Variants in RASAL2 observed in about 807,000 individuals in gnomAD.
The protein encoded by RASAL2 is ras GTPase-activating protein nGAP.
In RASAL2, 58 loss-of-function variants were observed where a neutral mutation model predicts 128.9. That is an observed-to-expected ratio of 0.45 (90% confidence interval 0.36 to 0.56). RASAL2 has a LOEUF of 0.56. RASAL2 is among the 20% of genes least tolerant of loss of function. RASAL2 has a pLI of 0.00. For synonymous variants in RASAL2, 561 were observed against 580.8 expected (o/e 0.97, Z 0.49); for missense variants, 1,360 against 1,601.6 (o/e 0.85, Z 2.57).
intron 1 of RASAL2, among the ~76,000 whole-genome samples, chr1:178,146,655 A>G (rs1298664823): frequency 6.6e-6 from 1 of 152,212 alleles, no homozygotes; most frequent in Non-Finnish European, 1.5e-5. Context: ...TTGGCTGAGT[A>G]TGTGTGCCTG....
chr1:178,152,630 A>C (rs751572408), intron 1 of RASAL2, among the ~76,000 whole-genome samples: 1 of 152,136 alleles, frequency 6.6e-6, no homozygotes, highest in Non-Finnish European at 1.5e-5. Context: ...GGGCCACTGC[A>C]CTCTAGCCTG....
intron 1 of RASAL2, among the ~76,000 whole-genome samples, chr1:178,244,511 G>A (rs1219728551): frequency 6.6e-6 from 1 of 152,184 alleles, no homozygotes; most frequent in African/African-American, 2.4e-5. Context: ...AAAGTGCTGG[G>A]ATTACAGGCG....
chr1:178,131,797 G>A (rs142523942), intron 1 of RASAL2, among the ~76,000 whole-genome samples: 7 of 152,176 alleles, frequency 4.6e-5, no homozygotes, highest in Non-Finnish European at 8.8e-5. Flanking sequence ...ATTCTGGGCA[G>A]CCCGACCACA....
chr1:178,321,187 G>A (rs1483966138), intron 3 of RASAL2, among the ~76,000 whole-genome samples: 5 of 151,952 alleles, frequency 3.3e-5, no homozygotes, highest in Admixed American at 6.6e-5. Context: ...GGGTTCCATC[G>A]ATTCTCCTGT....
At chr1:178,176,898 C>G (rs919590471) in intron 1 of RASAL2, among the ~76,000 whole-genome samples, 1 of 152,084 alleles carries the variant, frequency 6.6e-6, no homozygotes, top group South Asian at 2.1e-4. Context: ...TATCCTCCCA[C>G]CACAGCCTCC....
At chr1:178,168,540 A>G (rs1009574517) in intron 1 of RASAL2, among the ~76,000 whole-genome samples, 1 of 152,032 alleles carries the variant, frequency 6.6e-6, no homozygotes, top group African/African-American at 2.4e-5. Flanking sequence ...TGAGTATGAT[A>G]TTCTCTAGAC....
chr1:178,118,644 G>A (rs550213006), intron 1 of RASAL2, among the ~76,000 whole-genome samples: 1 of 152,276 alleles, frequency 6.6e-6, no homozygotes, highest in African/African-American at 2.4e-5. Flanking sequence ...GCACCAGCTG[G>A]GAGAAGGAAG....
chr1:178,242,423 T>TTCTC (rs58914415), intron 1 of RASAL2, among the ~76,000 whole-genome samples: 61 of 85,248 alleles, frequency 7.2e-4, no homozygotes, highest in Non-Finnish European at 9.7e-4. Flanking sequence ...TTATAATTCA[T>TTCTC]TCTCTCTCTC....
At chr1:178,233,101 GA>G (rs777298015) in intron 1 of RASAL2, among the ~76,000 whole-genome samples, 9 of 152,270 alleles carry the variant, frequency 5.9e-5, no homozygotes, top group Non-Finnish European at 1.0e-4. Flanking sequence ...TGAGATCTTG[GA>G]AAATGGCGTA....
At position 178,209,753 on chromosome 1, in the gene RASAL2, A is replaced by G. The variant is rs575171746; in HGVS notation, c.203-73811A>G. Among the ~76,000 whole-genome samples, 118 of 152,090 alleles carry G rather than the reference A, an allele frequency of 7.8e-4. 1 individual carries two copies. Among genetic ancestry groups the G allele is most frequent in the Admixed American group, 9.8e-4 (15 of 15,278 alleles). ...TCTTTCTTGGACTCTTATTAATCAG[A>G]TATCATTATCTGATTAATATATACA... is the stretch of plus-strand genomic sequence containing the variant. On this transcript the variant is annotated intron_variant, in intron 1 of 17. Transcript: ENST00000367649.
At chr1:178,130,084 T>A (rs1219952729) in intron 1 of RASAL2, among the ~76,000 whole-genome samples, 1 of 152,180 alleles carries the variant, frequency 6.6e-6, no homozygotes, top group African/African-American at 2.4e-5. Flanking sequence ...ATAGAACAGG[T>A]CTTTTCCGTA....
chr1:178,280,685 A>G (rs963059187), intron 1 of RASAL2, among the ~76,000 whole-genome samples: 4 of 152,088 alleles, frequency 2.6e-5, no homozygotes, highest in Non-Finnish European at 5.9e-5. Context: ...AATTTTTGTA[A>G]TGAGGCCAGC....
At chr1:178,101,144 G>A (rs1312241784) in intron 1 of RASAL2, among the ~76,000 whole-genome samples, 1 of 152,154 alleles carries the variant, frequency 6.6e-6, no homozygotes. Context: ...AAGTAGAAGG[G>A]AAAAGAGAAG....
At chr1:178,148,393 C>T (rs1197941767) in intron 1 of RASAL2, among the ~76,000 whole-genome samples, 8 of 151,930 alleles carry the variant, frequency 5.3e-5, no homozygotes, top group Admixed American at 1.3e-4. Context: ...TTTTATTAAA[C>T]GCATAGTCAA....
chr1:178,369,326 A>G (rs1244549903), intron 3 of RASAL2, among the ~76,000 whole-genome samples: 3 of 151,936 alleles, frequency 2.0e-5, no homozygotes, highest in South Asian at 2.1e-4. Flanking sequence ...GGTTCAAGCA[A>G]TTCTCCTGCC....
intron 3 of RASAL2, among the ~76,000 whole-genome samples, chr1:178,349,239 T>G (rs1670329523): frequency 1.4e-5 from 2 of 138,484 alleles, no homozygotes; most frequent in Non-Finnish European, 3.1e-5. Flanking sequence ...GCCAACATGG[T>G]GAAACCCTGT....
intron 1 of RASAL2, among the ~76,000 whole-genome samples, chr1:178,113,408 A>AT: frequency 6.6e-6 from 1 of 152,114 alleles, no homozygotes; most frequent in East Asian, 1.9e-4. Context: ...GGGCTCAAGC[A>AT]ATCTTCCCAC....
At chr1:178,375,636 A>G (rs1372591575) in intron 3 of RASAL2, among the ~76,000 whole-genome samples, 2 of 152,138 alleles carry the variant, frequency 1.3e-5, no homozygotes, top group African/African-American at 4.8e-5. Context: ...GTGCAGATGA[A>G]TGTTTGTGTA....
chr1:178,335,181 A>G (rs1007437153), intron 3 of RASAL2, among the ~76,000 whole-genome samples: 2 of 152,110 alleles, frequency 1.3e-5, no homozygotes, highest in African/African-American at 4.8e-5. Flanking sequence ...CCTTTGGGGA[A>G]TTTATTTTCT....
Sources: gnomAD v4.1 joint callset for allele counts (sites outside exome capture counted in the v4.1 genomes callset) on GRCh38, gnomAD v4.1.1 for gene constraint, MANE v1.5 for transcripts, NCBI Gene and HGNC (gene_info 2026-07-23, HGNC 2026-07-21) for gene names.